Variants in DCP1B observed in about 807,000 individuals in gnomAD.
The protein encoded by DCP1B is mRNA-decapping enzyme 1B.
A neutral mutation model predicts 60.5 loss-of-function variants in DCP1B; 47 were observed. The observed-to-expected ratio is 0.78, with a 90% CI of 0.61 to 0.99. The LOEUF (loss-of-function observed/expected upper bound fraction) is 0.99. Among genes scored for constraint, DCP1B ranks in the 50% least tolerant of loss-of-function variants. The pLI is 0.00. For synonymous variants in DCP1B, 267 were observed against 280.3 expected, an observed-to-expected ratio of 0.95 and a Z score of 0.47; for missense variants, 725 against 756.8, an observed-to-expected ratio of 0.96 and a Z score of 0.49.
intron 7 of DCP1B, chr12:1,950,345 C>T: frequency 1.4e-6 from 1 of 702,396 alleles, no homozygotes; most frequent in Non-Finnish European, 2.6e-6. Flanking sequence ...GAAATGCTTG[C>T]CTTTCTCACT....
chr12:1,980,940 GAC>G (rs113048962), intron 3 of DCP1B, among the ~76,000 whole-genome samples: 4,131 of 152,024 alleles, frequency 0.027, 94 homozygotes, highest in Middle Eastern at 0.054. Context: ...AGTTGAAGGA[GAC>G]ATCCATAACA....
At chr12:2,003,476 A>G (rs2042653888) in intron 1 of DCP1B, among the ~76,000 whole-genome samples, 1 of 152,240 alleles carries the variant, frequency 6.6e-6, no homozygotes, top group African/African-American at 2.4e-5. Context: ...ACAAAATTAC[A>G]TGTCTCTACA....
intron 3 of DCP1B, chr12:1,992,723 C>T (rs971759686): frequency 1.2e-5 from 2 of 168,380 alleles, no homozygotes; most frequent in Non-Finnish European, 1.3e-5. Context: ...TTACCTACTA[C>T]GACTTCCACA....
downstream of DCP1B, among the ~76,000 whole-genome samples, chr12:1,942,984 T>C (rs2030317194): frequency 6.6e-6 from 1 of 152,134 alleles, no homozygotes; most frequent in African/African-American, 2.4e-5. Context: ...CGAAAAACCC[T>C]TCAAAAAATC....
intron 3 of DCP1B, among the ~76,000 whole-genome samples, chr12:1,976,503 T>C (rs1189471451): frequency 6.6e-6 from 1 of 152,146 alleles, no homozygotes; most frequent in Admixed American, 6.5e-5. Context: ...AAATATGAAA[T>C]GTCAAATTCC....
At chr12:1,963,528 T>C (rs1317178860) in intron 5 of DCP1B, among the ~76,000 whole-genome samples, 3 of 152,246 alleles carry the variant, frequency 2.0e-5, no homozygotes, top group Non-Finnish European at 4.4e-5. Flanking sequence ...TGGTTTTATA[T>C]GTTTGGTTTG....
chr12:1,965,749 G>A lies in DCP1B; in HGVS notation c.387-56C>T, dbSNP rs543785867. The A allele has an allele frequency of 5.8e-6, 9 of 1,548,674 alleles. No homozygotes were observed. The Admixed American group carries it at 1.6e-4, about 28-fold the overall frequency. Reference sequence around the variant, plus strand: ...GAAAAGCCAATTCAACACAAACAATGTTTAAAACCATCCCAATTCTCACCT... The same window carrying A: ...GAAAAGCCAATTCAACACAAACAATATTTAAAACCATCCCAATTCTCACCT... On this transcript the variant is annotated intron_variant, in intron 4 of 8. Transcript: ENST00000280665.
Position 1,952,635 on chromosome 12 carries a change from G to A in DCP1B, c.1305C>T (p.Pro435=). The A allele has an allele frequency of 2.5e-6, 4 of 1,614,174 alleles. No individual in the cohort carries two copies. Among genetic ancestry groups the A allele is most frequent in the Non-Finnish European group, 3.4e-6 (4 of 1,180,048 alleles). Residue 435 remains proline (P), a synonymous_variant, in exon 7 of 9, where the codon CCC becomes CCT. Transcript: ENST00000280665. ...AGCTGCCAGTCTGACTACCAGAGATGGGGAGTGTTTGTCTTGGGAGTGTGG... is the reference window on the plus strand; with the variant it reads ...AGCTGCCAGTCTGACTACCAGAGATAGGGAGTGTTTGTCTTGGGAGTGTGG... ...EQSTLPRQTL[P]ISGSQTGSSG...
chr12:1,977,963 A>G lies in DCP1B; in HGVS notation c.320-10053T>C, dbSNP rs145473403. Among the ~76,000 whole-genome samples, 385 of 152,292 alleles carry G rather than the reference A, an allele frequency of 2.5e-3. 1 individual carries two copies. Among genetic ancestry groups the G allele is most frequent in the African/African-American group, 8.5e-3 (352 of 41,556 alleles). Reference sequence around the variant, plus strand: ...TATATTTTTAAACTGTATTGTTTTTATATGTTTCATTCTAGAGAAAGCACT... The same window carrying G: ...TATATTTTTAAACTGTATTGTTTTTGTATGTTTCATTCTAGAGAAAGCACT... On this transcript the variant is annotated intron_variant, in intron 3 of 8. Coordinates refer to ENST00000280665, the MANE Select transcript of DCP1B (RefSeq NM_152640.5).
chr12:1,956,484 G>A lies in DCP1B; in HGVS notation c.523-924C>T, dbSNP rs184673830. 4.6e-5 allele frequency among the ~76,000 whole-genome samples: 7 copies of A among 152,286 alleles called. No homozygotes were observed. The East Asian group carries it at 1.4e-3, about 29-fold the overall frequency. On this transcript the variant is annotated intron_variant, in intron 5 of 8. Coordinates refer to ENST00000280665, the MANE Select transcript of DCP1B (RefSeq NM_152640.5). ...CAATGTGTTTTACAGTTATCAATGT[G>A]TATTCTCTAATCCAACGATCTGGGG... is the stretch of plus-strand genomic sequence containing the variant.
chr12:1,999,721 GTT>G (rs1206796721), intron 1 of DCP1B, among the ~76,000 whole-genome samples: 7 of 152,054 alleles, frequency 4.6e-5, no homozygotes, highest in African/African-American at 1.7e-4. Flanking sequence ...GGGAGACCCT[GTT>G]TCTTATAAAT....
Position 1,982,581 on chromosome 12 carries a change from T to C in DCP1B, c.319+10683A>G, listed in dbSNP as rs184177460. Reference sequence around the variant, plus strand: ...CTTTTGAGGTTGAATAATATTCCATTGTATGTGTATATAATATTTTGTTTA... The same window carrying C: ...CTTTTGAGGTTGAATAATATTCCATCGTATGTGTATATAATATTTTGTTTA... On this transcript the variant is annotated intron_variant, in intron 3 of 8. Transcript: ENST00000280665. 1.7e-4 allele frequency among the ~76,000 whole-genome samples: 26 copies of C among 152,316 alleles called. No homozygotes were observed. The East Asian group carries it at 3.7e-3, about 21-fold the overall frequency.
intron 1 of DCP1B, among the ~76,000 whole-genome samples, chr12:1,999,647 G>A (rs1018649255): frequency 6.6e-6 from 1 of 152,116 alleles, no homozygotes; most frequent in African/African-American, 2.4e-5. Flanking sequence ...GATTGCTTCA[G>A]CCCAGGAGTT....
At chr12:1,956,255 C>T (rs1265166800) in intron 5 of DCP1B, among the ~76,000 whole-genome samples, 2 of 152,134 alleles carry the variant, frequency 1.3e-5, no homozygotes, top group Non-Finnish European at 1.5e-5. Context: ...GGATTCATAA[C>T]AAAAAGAGCA....
At chr12:1,996,882 T>C (rs1312538751) in intron 2 of DCP1B, among the ~76,000 whole-genome samples, 1 of 152,098 alleles carries the variant, frequency 6.6e-6, no homozygotes, top group Non-Finnish European at 1.5e-5. Context: ...GGAAAGAAAA[T>C]ACACTTGTGT....
chr12:1,953,195 T>G lies in DCP1B; in HGVS notation c.745A>C (p.Thr249Pro). 6.2e-7 allele frequency: 1 copy of G among 1,609,608 alleles called. No individual in the cohort carries two copies. Among genetic ancestry groups the G allele is most frequent in the Non-Finnish European group, 8.5e-7 (1 of 1,179,762 alleles). Residue 249 changes from threonine (T) to proline (P), a missense_variant, in exon 7 of 9, where the codon ACT becomes CCT. Physicochemically the swap from Thr to Pro is conservative, Grantham distance 38. Transcript: ENST00000280665. Reference sequence around the variant, plus strand: ...TGCTGCTGCTGCTGCTGGTGGAGAGTCTGCGGAGGCTCCACAGTTTCCTGA... The same window carrying G: ...TGCTGCTGCTGCTGCTGGTGGAGAGGCTGCGGAGGCTCCACAGTTTCCTGA... Reference protein sequence around the residue: ...TCQETVEPPQTLHQQQQQQQQ... With the variant: ...TCQETVEPPQPLHQQQQQQQQ...
intron 3 of DCP1B, among the ~76,000 whole-genome samples, chr12:1,973,286 T>C (rs994614169): frequency 1.2e-4 from 19 of 152,196 alleles, no homozygotes; most frequent in Non-Finnish European, 2.2e-4. Context: ...TCAAAGCAGA[T>C]GAGAAGCAGT....
At chr12:1,973,397 C>T (rs970716392) in intron 3 of DCP1B, among the ~76,000 whole-genome samples, 6 of 152,048 alleles carry the variant, frequency 3.9e-5, no homozygotes, top group Non-Finnish European at 5.9e-5. Flanking sequence ...AAAGTTAATG[C>T]CATTAAAAAC....
At chr12:1,988,665 A>C (rs1165191207) in intron 3 of DCP1B, among the ~76,000 whole-genome samples, 1 of 152,176 alleles carries the variant, frequency 6.6e-6, no homozygotes, top group Non-Finnish European at 1.5e-5. Flanking sequence ...AATTTCAGGA[A>C]AACTAGGAGT....
Sources: gnomAD v4.1 joint callset for allele counts (sites outside exome capture counted in the v4.1 genomes callset) on GRCh38, gnomAD v4.1.1 for gene constraint, MANE v1.5 for transcripts, NCBI Gene and HGNC (gene_info 2026-07-23, HGNC 2026-07-21) for gene names.